SGK3: variants seen among roughly 807,000 people sequenced by gnomAD.
SGK3 encodes serine/threonine-protein kinase Sgk3.
SGK3 carries 47 observed loss-of-function variants against 68.5 expected under a neutral mutation model. That is an observed-to-expected ratio of 0.69 (90% CI 0.54 to 0.87). The LOEUF is 0.87. SGK3 is among the 40% of genes least tolerant of loss of function. SGK3 has a pLI of 0.00. For synonymous variants in SGK3, 181 were observed against 189.1 expected, an observed-to-expected ratio of 0.96 and a Z score of 0.35; for missense variants, 479 against 575.5, an observed-to-expected ratio of 0.83 and a Z score of 1.72.
At chr8:66,849,245 T>G (rs1325440802) in intron 15 of SGK3, among the ~76,000 whole-genome samples, 2 of 152,176 alleles carry the variant, frequency 1.3e-5, no homozygotes, top group African/African-American at 4.8e-5. Context: ...ATCTGCCTGC[T>G]CAACATCACC....
chr8:66,775,569 C>T (rs1806672725), intron 1 of SGK3: 1 of 152,316 alleles, frequency 6.6e-6, no homozygotes, highest in Non-Finnish European at 1.5e-5. Context: ...ATTCACTGCA[C>T]TTGGTCCGAG....
intron 16 of SGK3, among the ~76,000 whole-genome samples, chr8:66,857,404 T>A (rs1469030948): frequency 2.6e-5 from 4 of 152,108 alleles, no homozygotes; most frequent in African/African-American, 9.7e-5. Context: ...AGGGTTCCCT[T>A]CCCTGTAGAG....
At chr8:66,779,561 AATATATATATATATATATATATAT>A (rs200618083) in intron 1 of SGK3, among the ~76,000 whole-genome samples, 8 of 89,390 alleles carry the variant, frequency 8.9e-5, no homozygotes, top group South Asian at 3.8e-4. Flanking sequence ...TATGTGTGTG[AATATATATATATATATATATATAT>A]ATATATATAT....
At chr8:66,819,979 G>A (rs1488829287) in intron 5 of SGK3, among the ~76,000 whole-genome samples, 4 of 151,808 alleles carry the variant, frequency 2.6e-5, no homozygotes, top group Admixed American at 1.3e-4. Flanking sequence ...CACCACATCC[G>A]GCTAACTTTT....
At chr8:66,854,848 G>GA (rs1453431304) in intron 16 of SGK3, among the ~76,000 whole-genome samples, 2 of 152,116 alleles carry the variant, frequency 1.3e-5, no homozygotes, top group East Asian at 3.9e-4. Flanking sequence ...ACCCTCTGAA[G>GA]AATTAAAACC....
intron 1 of SGK3, chr8:66,775,201 C>A: frequency 6.6e-6 from 1 of 152,506 alleles, no homozygotes; most frequent in East Asian, 1.9e-4. Flanking sequence ...GGTTTGGCCC[C>A]CGCAGGGAGC....
At chr8:66,722,850 T>C (rs559788002) in intron 1 of SGK3, among the ~76,000 whole-genome samples, 9 of 151,934 alleles carry the variant, frequency 5.9e-5, no homozygotes, top group African/African-American at 2.2e-4. Context: ...GGACATCACG[T>C]GGCGAAAACA....
intron 1 of SGK3, among the ~76,000 whole-genome samples, chr8:66,730,899 C>CTGGT (rs925761652): frequency 3.3e-5 from 5 of 151,704 alleles, no homozygotes; most frequent in African/African-American, 1.2e-4. Context: ...ATTGGCCAGG[C>CTGGT]TGGTCTCCAA....
intron 1 of SGK3, among the ~76,000 whole-genome samples, chr8:66,717,218 A>C (rs1033821657): frequency 1.8e-5 from 2 of 113,746 alleles, no homozygotes; most frequent in African/African-American, 5.6e-5. Flanking sequence ...AAAAAAAAAA[A>C]CAAAAAAAAC....
intron 3 of SGK3, among the ~76,000 whole-genome samples, chr8:66,799,066 T>C (rs1343776577): frequency 6.6e-6 from 1 of 152,198 alleles, no homozygotes; most frequent in Non-Finnish European, 1.5e-5. Flanking sequence ...GCTAACACAA[T>C]TGAAATGAGT....
intron 16 of SGK3, 46 bp from the exon 17 acceptor site, chr8:66,859,365 T>C (rs767007731): frequency 6.7e-7 from 1 of 1,488,632 alleles, no homozygotes; most frequent in Non-Finnish European, 9.0e-7. Flanking sequence ...ATTAAATTAA[T>C]GAAAGAAAAG....
intron 16 of SGK3, among the ~76,000 whole-genome samples, chr8:66,855,343 C>T (rs1253171697): frequency 6.6e-6 from 1 of 152,142 alleles, no homozygotes; most frequent in Non-Finnish European, 1.5e-5. Flanking sequence ...GCTGGGACTA[C>T]AGGTGTGCAC....
At chr8:66,733,444 T>G (rs907988182) in intron 1 of SGK3, among the ~76,000 whole-genome samples, 6 of 152,206 alleles carry the variant, frequency 3.9e-5, no homozygotes, top group African/African-American at 1.2e-4. Flanking sequence ...TGTGATTGTT[T>G]TAGTAAGTCT....
intron 4 of SGK3, 84 bp from the exon 5 acceptor site, chr8:66,813,769 C>A (rs925833455): frequency 3.7e-5 from 45 of 1,206,404 alleles, no homozygotes; most frequent in Admixed American, 2.1e-4. Flanking sequence ...AATTCACTAT[C>A]TTGTGCTTGT....
intron 6 of SGK3, 32 bp from the exon 7 acceptor site, chr8:66,828,622 A>G (rs201421016): frequency 6.2e-7 from 1 of 1,613,266 alleles, no homozygotes; most frequent in Admixed American, 1.7e-5. Flanking sequence ...AGCTCCAATA[A>G]GAATGTTGTT....
intron 8 of SGK3, among the ~76,000 whole-genome samples, chr8:66,832,524 G>GA (rs1809343497): frequency 6.6e-6 from 1 of 152,148 alleles, no homozygotes; most frequent in South Asian, 2.1e-4. Context: ...ATAAGCAATA[G>GA]AAAGTTAGAA....
Position 66,793,685 on chromosome 8 carries a change from T to A in SGK3, c.-52T>A, listed in dbSNP as rs1036326939. 36 of 1,573,360 alleles carry A rather than the reference T, an allele frequency of 2.3e-5. No individual in the cohort carries two copies. The African/African-American group carries it at 2.3e-4, about 10-fold the overall frequency. On this transcript the variant is annotated 5_prime_UTR_variant, in exon 2 of 17. Coordinates refer to ENST00000521198, the MANE Select transcript of SGK3 (RefSeq NM_001033578.3). Reference sequence around the variant, plus strand: ...TTGGATTAGTTAATTGGGTTTGTCCTCTGCTGACTGTTTCTTCGGATGCAT... The same window carrying A: ...TTGGATTAGTTAATTGGGTTTGTCCACTGCTGACTGTTTCTTCGGATGCAT...
At chr8:66,843,899 C>T (rs575443538) in intron 14 of SGK3, among the ~76,000 whole-genome samples, 2 of 148,396 alleles carry the variant, frequency 1.3e-5, no homozygotes, top group South Asian at 4.4e-4. Flanking sequence ...GAGGCGGAGG[C>T]CCAAGAATCG....
chr8:66,756,254 A>C (rs1247316507), intron 1 of SGK3, among the ~76,000 whole-genome samples: 3 of 152,188 alleles, frequency 2.0e-5, no homozygotes, highest in Admixed American at 6.5e-5. Flanking sequence ...TTGTGCCTCC[A>C]GAATTGTGAG....
Sources: allele counts gnomAD v4.1 joint callset (sites outside exome capture counted in the v4.1 genomes callset), GRCh38; gene constraint gnomAD v4.1.1; transcripts MANE v1.5; gene names NCBI Gene and HGNC (gene_info 2026-07-23, HGNC 2026-07-21).